MCCC2: variants seen among roughly 807,000 people sequenced by gnomAD.
The protein encoded by MCCC2 is methylcrotonyl-CoA carboxylase subunit 2.
In MCCC2, 52 loss-of-function variants were observed where a neutral mutation model predicts 77.2. The observed-to-expected ratio is 0.67, with a 90% CI of 0.54 to 0.85. MCCC2 has a LOEUF of 0.85. MCCC2 is among the 40% of genes least tolerant of loss of function. The pLI is 0.00. For missense variants in MCCC2, 682 were observed against 703.2 expected (o/e 0.97, Z 0.34); for synonymous variants, 253 against 248.4 (o/e 1.02, Z -0.18).
chr5:71,658,685 A>G lies in MCCC2; in HGVS notation c.*1825A>G, dbSNP rs1005779770. The stretch of plus-strand genomic sequence containing the variant: ...GAATAGAACTATCAAATGTTTTCCT[A>G]ATAAAGTCAATATTTCAAACATTTG... On this transcript the variant is annotated 3_prime_UTR_variant, in exon 17 of 17. Coordinates refer to ENST00000340941, the MANE Select transcript of MCCC2 (RefSeq NM_022132.5). The G allele has an allele frequency of 6.6e-6, 1 of 152,182 alleles. No individual in the cohort carries two copies. The highest frequency in any genetic ancestry group is 1.5e-5 in the Non-Finnish European group (1 of 68,038). 9.4% of individuals were successfully genotyped at this position (152,182 alleles called of 1,614,324 possible).
chr5:71,636,053 T>C (rs1746916704), intron 10 of MCCC2: 1 of 367,784 alleles, frequency 2.7e-6, no homozygotes, highest in Non-Finnish European at 5.4e-6. Flanking sequence ...CGTATATTTT[T>C]TTGTTTTACT....
chr5:71,632,039 G>C, intron 7 of MCCC2, 82 bp from the exon 8 acceptor site: 1 of 1,162,986 alleles, frequency 8.6e-7, no homozygotes, highest in Middle Eastern at 1.9e-4. Flanking sequence ...GGTATAGTCA[G>C]GTGAGGAGTT....
chr5:71,597,141 ACT>A (rs1455746898), intron 3 of MCCC2, among the ~76,000 whole-genome samples: 1 of 151,896 alleles, frequency 6.6e-6, no homozygotes, highest in Non-Finnish European at 1.5e-5. Context: ...GAGCCTTGTA[ACT>A]CTCTGGGGAA....
chr5:71,587,762 A>G (rs1744820935), intron 1 of MCCC2, among the ~76,000 whole-genome samples: 2 of 152,226 alleles, frequency 1.3e-5, no homozygotes, highest in Non-Finnish European at 2.9e-5. Flanking sequence ...CTTTGAAATC[A>G]GTGGTTCTTA....
intron 6 of MCCC2, among the ~76,000 whole-genome samples, chr5:71,612,034 G>C (rs774515368): frequency 9.9e-5 from 15 of 151,574 alleles, no homozygotes; most frequent in East Asian, 1.9e-4. Flanking sequence ...GTGATCTGCC[G>C]ACCTCGTGAT....
chr5:71,619,117 C>T lies in MCCC2; in HGVS notation c.625-7523C>T, dbSNP rs77732364. Among the ~76,000 whole-genome samples the T allele has an allele frequency of 7.9e-3, 1,206 of 152,162 alleles. 16 individuals are homozygous for T. The highest frequency in any genetic ancestry group is 0.027 in the African/African-American group (1,107 of 41,496). ...AAATTATTCTCAGGTTTCCCTTTCT[C>T]CCCCCTACCTTACCTCCCTCCTCCT... is the stretch of plus-strand genomic sequence containing the variant. On this transcript the variant is annotated intron_variant, in intron 6 of 16. Transcript: ENST00000340941.
chr5:71,626,403 C>G (rs1261954421), intron 6 of MCCC2, among the ~76,000 whole-genome samples: 1 of 152,334 alleles, frequency 6.6e-6, no homozygotes, highest in South Asian at 2.1e-4. Flanking sequence ...TTCTCTCTGA[C>G]AGGGAGATTG....
rs1421197210 is a variant in MCCC2, at chr5:71,610,231, G to A, written c.624+5763G>A. 3.3e-5 allele frequency among the ~76,000 whole-genome samples: 5 copies of A among 152,342 alleles called. No individual in the cohort carries two copies. In the East Asian group the frequency reaches 5.8e-4, roughly 18 times the overall value. ...TAGCAATCAGCGAGACTCCGTGGGC[G>A]TAGGACCCTCCGAGCCAGGTGCGGG... On this transcript the variant is annotated intron_variant, in intron 6 of 16. Coordinates refer to ENST00000340941, the MANE Select transcript of MCCC2 (RefSeq NM_022132.5).
At chr5:71,628,197 G>A (rs1746598525) in intron 7 of MCCC2, among the ~76,000 whole-genome samples, 1 of 152,200 alleles carries the variant, frequency 6.6e-6, no homozygotes, top group Non-Finnish European at 1.5e-5. Context: ...TTGGAGACAT[G>A]TCTATTCAGA....
intron 2 of MCCC2, among the ~76,000 whole-genome samples, chr5:71,594,778 A>G (rs1368677399): frequency 2.0e-5 from 3 of 152,164 alleles, no homozygotes; most frequent in Admixed American, 6.5e-5. Flanking sequence ...GTGAGCCTGC[A>G]TCAAGGATAA....
intron 13 of MCCC2, among the ~76,000 whole-genome samples, chr5:71,648,098 C>A (rs906906364): frequency 6.6e-6 from 1 of 152,150 alleles, no homozygotes; most frequent in Non-Finnish European, 1.5e-5. Flanking sequence ...GCAGATGGTG[C>A]CAAGTAAAGG....
rs1745580645 is a variant in MCCC2, at chr5:71,604,367, G to C, written c.523G>C (p.Gly175Arg). ...LPCIYLVDSG[G>R]AYLPRQADVF... ...TTTCTTGTCTTCAGTTGATTCGGGA[G>C]GAGCATACTTACCTCGACAAGCAGA... The change falls in exon 6 of 17, where the codon GGA (glycine) becomes CGA (arginine). Residue 175 changes from glycine to arginine, a missense_variant. Transcript: ENST00000340941. The C allele has an allele frequency of 6.2e-7, 1 of 1,613,890 alleles. No homozygotes were observed. Among genetic ancestry groups the C allele is most frequent in the African/African-American group, 1.3e-5 (1 of 74,920 alleles).
At chr5:71,610,398 G>GT (rs1745884724) in intron 6 of MCCC2, among the ~76,000 whole-genome samples, 2 of 152,164 alleles carry the variant, frequency 1.3e-5, no homozygotes, top group Admixed American at 6.5e-5. Flanking sequence ...CGCTTCCCAA[G>GT]TGAGGCAATG....
chr5:71,633,133 T>TATA (rs1561841506), intron 8 of MCCC2, among the ~76,000 whole-genome samples: 3 of 113,020 alleles, frequency 2.7e-5, no homozygotes, highest in African/African-American at 1.3e-4. Context: ...ATATATATAT[T>TATA]TTTATTTTTT....
chr5:71,635,267 G>T (rs757418353), intron 10 of MCCC2, 21 bp downstream of exon 10: 2 of 1,599,964 alleles, frequency 1.3e-6, no homozygotes, highest in East Asian at 4.5e-5. Flanking sequence ...GTGGAACTGT[G>T]AGCTTTATGA....
chr5:71,640,951 A>G lies in MCCC2; in HGVS notation c.1000-52A>G, dbSNP rs1747105089. On this transcript the variant is annotated intron_variant, in intron 10 of 16. Coordinates refer to ENST00000340941, the MANE Select transcript of MCCC2 (RefSeq NM_022132.5). ...TTTTCCTATAAGTAACTTTAATACAAAAATTCTTTTGCAATATAATTTCTC... is the reference window on the plus strand; with the variant it reads ...TTTTCCTATAAGTAACTTTAATACAGAAATTCTTTTGCAATATAATTTCTC... The G allele has an allele frequency of 4.0e-6, 6 of 1,517,666 alleles. No individual in the cohort carries two copies. The African/African-American group carries it at 6.9e-5, about 17-fold the overall frequency. 94.0% of individuals were successfully genotyped at this position (1,517,666 alleles called of 1,614,324 possible).
Position 71,592,931 on chromosome 5 carries a change from C to T in MCCC2, c.135C>T (p.Asn45=), listed in dbSNP as rs770059817. ...CTCCTCTATTTCTGTTTTAGGAGAA[C>T]TACAAGCAGATGAAAGCACTAGTAA... ...PDLGSALYQE[N]YKQMKALVNQ... is the part of the protein sequence containing the mutation. Residue 45 remains asparagine, a synonymous_variant, in exon 2 of 17, where the codon AAC becomes AAT. Coordinates refer to ENST00000340941, the MANE Select transcript of MCCC2 (RefSeq NM_022132.5). 1.2e-6 allele frequency: 2 copies of T among 1,609,954 alleles called. No individual in the cohort carries two copies. Among genetic ancestry groups the T allele is most frequent in the Non-Finnish European group, 1.7e-6 (2 of 1,177,752 alleles).
intron 6 of MCCC2, among the ~76,000 whole-genome samples, chr5:71,622,907 C>T (rs538724519): frequency 6.6e-6 from 1 of 152,206 alleles, no homozygotes; most frequent in Non-Finnish European, 1.5e-5. Context: ...GAGATCGAGA[C>T]CATCCTGGCT....
intron 6 of MCCC2, among the ~76,000 whole-genome samples, chr5:71,617,788 A>G (rs551249836): frequency 1.3e-5 from 2 of 152,278 alleles, no homozygotes; most frequent in East Asian, 3.9e-4. Flanking sequence ...TGCCCATTGT[A>G]AATTCATTTA....
Sources: allele counts gnomAD v4.1 joint callset (sites outside exome capture counted in the v4.1 genomes callset), GRCh38; gene constraint gnomAD v4.1.1; transcripts MANE v1.5; gene names NCBI Gene and HGNC (gene_info 2026-07-23, HGNC 2026-07-21).